SPADH: variants seen among roughly 807,000 people sequenced by gnomAD.
SPADH encodes the protein spermadhesin family member.
chr10:122,673,684 T>C, the SPADH span, among the ~76,000 whole-genome samples: 2 of 152,170 alleles, frequency 1.3e-5, no homozygotes, highest in Non-Finnish European at 2.9e-5. Context: ...CCTTCTTTCT[T>C]TGTATCCTCC....
chr10:122,678,682 G>A, the SPADH span, among the ~76,000 whole-genome samples: 98 of 152,130 alleles, frequency 6.4e-4, 1 homozygote, highest in African/African-American at 2.0e-3. Context: ...CCCTGCTTGC[G>A]TTATTGAAGA....
chr10:122,673,029 G>A, the SPADH span: 1 of 549,960 alleles, frequency 1.8e-6, no homozygotes, highest in South Asian at 8.0e-5. Flanking sequence ...GAAGCCCATG[G>A]CTGATTAGCT....
At chr10:122,677,397 T>C in the SPADH span, among the ~76,000 whole-genome samples, 5 of 152,162 alleles carry the variant, frequency 3.3e-5, no homozygotes, top group South Asian at 1.0e-3. Flanking sequence ...CTCACAGGGG[T>C]TTACATAATA....
chr10:122,677,883 G>A, the SPADH span, among the ~76,000 whole-genome samples: 6 of 152,218 alleles, frequency 3.9e-5, no homozygotes, highest in Non-Finnish European at 7.3e-5. Context: ...GGGAAACAAG[G>A]AGAGAAGGAG....
At chr10:122,673,691 C>A in the SPADH span, among the ~76,000 whole-genome samples, 1 of 151,834 alleles carries the variant, frequency 6.6e-6, no homozygotes, top group Non-Finnish European at 1.5e-5. Flanking sequence ...TCTTTGTATC[C>A]TCCTCTTTCT....
At chr10:122,674,520 A>G in the SPADH span, among the ~76,000 whole-genome samples, 1 of 152,232 alleles carries the variant, frequency 6.6e-6, no homozygotes, top group Non-Finnish European at 1.5e-5. Flanking sequence ...TATTTCTTCC[A>G]GAGCCAACTT....
chr10:122,673,034 T>C, the SPADH span: 1 of 528,598 alleles, frequency 1.9e-6, no homozygotes, highest in Non-Finnish European at 2.4e-6. Context: ...CCATGGCTGA[T>C]TAGCTGAAAG....
At chr10:122,677,959 G>A in the SPADH span, among the ~76,000 whole-genome samples, 1 of 152,146 alleles carries the variant, frequency 6.6e-6, no homozygotes, top group South Asian at 2.1e-4. Context: ...CAAGGCCAGC[G>A]GGATGGGCGG....
the SPADH span, chr10:122,676,799 G>A: frequency 1.0e-6 from 1 of 985,210 alleles, no homozygotes; most frequent in Non-Finnish European, 1.2e-6. Context: ...AATATGGCAG[G>A]ATCTTCAACT....
chr10:122,676,359 T>C, the SPADH span, among the ~76,000 whole-genome samples: 4 of 152,326 alleles, frequency 2.6e-5, no homozygotes, highest in Middle Eastern at 3.4e-3. Flanking sequence ...TGGGCTACTA[T>C]TGGGGCAGGA....
chr10:122,676,203 C>A, the SPADH span, among the ~76,000 whole-genome samples: 1 of 152,236 alleles, frequency 6.6e-6, no homozygotes, highest in Non-Finnish European at 1.5e-5. Context: ...TAGTGTTTAA[C>A]CAGTTGCTGG....
chr10:122,674,010 A>C, the SPADH span, among the ~76,000 whole-genome samples: 1 of 152,264 alleles, frequency 6.6e-6, no homozygotes, highest in South Asian at 2.1e-4. Flanking sequence ...GCCTTAGGGC[A>C]ACTGGTCATA....
the SPADH span, among the ~76,000 whole-genome samples, chr10:122,676,345 G>T: frequency 6.6e-6 from 1 of 152,184 alleles, no homozygotes; most frequent in Non-Finnish European, 1.5e-5. Flanking sequence ...ATTTGTTCAG[G>T]GATTGGGCTA....
At chr10:122,676,840 T>C in the SPADH span, 9 of 985,062 alleles carry the variant, frequency 9.1e-6, no homozygotes, top group Non-Finnish European at 1.1e-5. Context: ...TGCGTCTGGA[T>C]CATCGAGTTG....
At chr10:122,678,381 C>A in the SPADH span, among the ~76,000 whole-genome samples, 2 of 152,204 alleles carry the variant, frequency 1.3e-5, no homozygotes, top group Non-Finnish European at 2.9e-5. Context: ...CCTGTCCCAT[C>A]TGCCAGGGGA....
At chr10:122,679,329 T>A in the SPADH span, among the ~76,000 whole-genome samples, 5 of 152,258 alleles carry the variant, frequency 3.3e-5, no homozygotes, top group South Asian at 6.2e-4. Flanking sequence ...TAGAAGTGGG[T>A]ATCTCTGAGA....
chr10:122,677,745 C>G, the SPADH span, among the ~76,000 whole-genome samples: 1 of 152,122 alleles, frequency 6.6e-6, no homozygotes, highest in Non-Finnish European at 1.5e-5. Flanking sequence ...AATCCCACTA[C>G]GTTATGCAGG....
At chr10:122,676,711 C>T in the SPADH span, 2 of 985,174 alleles carry the variant, frequency 2.0e-6, no homozygotes, top group Non-Finnish European at 2.4e-6. Flanking sequence ...AATCCCAGAC[C>T]TAGAGCATCC....
At chr10:122,675,616 T>G in the SPADH span, 1 of 979,326 alleles carries the variant, frequency 1.0e-6, no homozygotes, top group Non-Finnish European at 1.2e-6. Context: ...TTTCATGGTT[T>G]TTTTTGTTTT....
Sources: allele counts gnomAD v4.1 joint callset (sites outside exome capture counted in the v4.1 genomes callset), GRCh38; gene constraint gnomAD v4.1.1; transcripts MANE v1.5; gene names NCBI Gene and HGNC (gene_info 2026-07-23, HGNC 2026-07-21).